Variants in PUS3 observed in about 807,000 individuals in gnomAD.
The protein encoded by PUS3 is tRNA pseudouridine(38/39) synthase.
In PUS3, 36 loss-of-function variants were observed where a neutral mutation model predicts 43.3. The ratio of observed to expected loss-of-function variants is 0.83; its 90% CI spans 0.64 to 1.10. The LOEUF (loss-of-function observed/expected upper bound fraction) is 1.10. Ranked by LOEUF, PUS3 falls within the 50% of genes least tolerant of loss-of-function variation. The probability of loss-of-function intolerance (pLI) is 0.00; values close to 1 mark genes in which losing one functional copy is unlikely to be tolerated. For synonymous variants in PUS3, 183 were observed against 199.2 expected (o/e 0.92, Z 0.69); for missense variants, 544 against 589.9 (o/e 0.92, Z 0.81).
At position 125,893,830 on chromosome 11, in the gene PUS3, T is replaced by C; in HGVS notation, c.1401A>G (p.Pro467=). ...CTGTGTCAACACAGACCCTCTTCGT[T>C]GGTGTCTCCAAATTAGTATTCTCTT... ...LEEENTNLET[P]TKRVCVDTEI... is the part of the protein sequence containing the mutation. The change falls in exon 4 of 4, where the codon CCA becomes CCG. Residue 467 remains proline, a synonymous_variant. Coordinates refer to ENST00000227474, the MANE Select transcript of PUS3 (RefSeq NM_031307.4). The C allele has an allele frequency of 6.2e-7, 1 of 1,614,048 alleles. No individual in the cohort carries two copies. Among genetic ancestry groups the C allele is most frequent in the Non-Finnish European group, 8.5e-7 (1 of 1,179,970 alleles).
rs756703983 is a variant in PUS3 at position 125,896,000 on chromosome 11, T to C, written c.285A>G (p.Glu95=). ...TNNTIEEKLF[E]ALTKTRLVES... Reference sequence around the variant, plus strand: ...CTACTAGTCGAGTCTTGGTTAGAGCTTCAAACAGTTTCTCTTCAATGGTAT... The same window carrying C: ...CTACTAGTCGAGTCTTGGTTAGAGCCTCAAACAGTTTCTCTTCAATGGTAT... The change falls in exon 2 of 4, where the codon GAA becomes GAG. Residue 95 remains glutamate, a synonymous_variant. Coordinates refer to ENST00000227474, the MANE Select transcript of PUS3 (RefSeq NM_031307.4). The C allele has an allele frequency of 1.2e-5, 20 of 1,614,070 alleles. No individual in the cohort carries two copies. The highest frequency in any genetic ancestry group is 1.5e-5 in the Non-Finnish European group (18 of 1,180,030).
intron 1 of PUS3, among the ~76,000 whole-genome samples, chr11:125,902,036 T>G (rs1214511690): frequency 1.3e-5 from 2 of 152,130 alleles, no homozygotes; most frequent in East Asian, 3.8e-4. Context: ...TACCAAAGTC[T>G]CCAAAGTTCA....
intron 1 of PUS3, chr11:125,900,466 T>C (rs1944737958): frequency 1.0e-5 from 6 of 587,526 alleles, no homozygotes; most frequent in South Asian, 1.0e-4. Flanking sequence ...ATCCAGCAAT[T>C]GCAAGATAAA....
At position 125,894,104 on chromosome 11, in the gene PUS3, C is replaced by T. The variant is rs1436554083; in HGVS notation, c.1127G>A (p.Cys376Tyr). 6.2e-7 allele frequency: 1 copy of T among 1,614,014 alleles called. No individual in the cohort carries two copies. The highest frequency in any genetic ancestry group is 8.5e-7 in the Non-Finnish European group (1 of 1,180,006). ...TCCATCCATCTTTGGTCCTATTCCA[C>T]AGGGTACTGGAACAGTGTCCAGTCC... Reference protein sequence around the residue: ...LQGLDTVPVPCGIGPKMDGMT... With the variant: ...LQGLDTVPVPYGIGPKMDGMT... The change falls in exon 4 of 4, where the codon TGT becomes TAT. Residue 376 changes from cysteine (C) to tyrosine (Y), a missense_variant. Physicochemically the swap from Cys to Tyr is radical, Grantham distance 194. Transcript: ENST00000227474.
At chr11:125,898,497 A>G (rs1315566916) in intron 1 of PUS3, among the ~76,000 whole-genome samples, 2 of 152,164 alleles carry the variant, frequency 1.3e-5, no homozygotes, top group African/African-American at 4.8e-5. Flanking sequence ...TAACATGGTA[A>G]AACCCCATCT....
chr11:125,899,792 G>A, intron 1 of PUS3: 1 of 1,614,166 alleles, frequency 6.2e-7, no homozygotes, highest in Non-Finnish European at 8.5e-7. Context: ...ACAGTTCCAG[G>A]AAGACAAGGA....
At chr11:125,900,293 A>C (rs756051351) in intron 1 of PUS3, 1 of 1,606,420 alleles carries the variant, frequency 6.2e-7, no homozygotes, top group South Asian at 1.1e-5. Context: ...CTTTCACAGG[A>C]TTGTTTGAGA....
intron 1 of PUS3, among the ~76,000 whole-genome samples, chr11:125,901,617 T>G (rs1944775701): frequency 6.6e-6 from 1 of 152,220 alleles, no homozygotes; most frequent in Non-Finnish European, 1.5e-5. Flanking sequence ...CTGTAACATT[T>G]AAAGCCACAT....
Position 125,895,351 on chromosome 11 carries a change from C to T in PUS3, c.817G>A (p.Ala273Thr). 6.2e-7 allele frequency: 1 copy of T among 1,614,160 alleles called. No homozygotes were observed. The highest frequency in any genetic ancestry group is 8.5e-7 in the Non-Finnish European group (1 of 1,180,016). Residue 273 changes from alanine (A) to threonine (T), a missense_variant, in exon 3 of 4, where the codon GCA (alanine) becomes ACA (threonine). Transcript: ENST00000227474. ...CATCGGACTTGATGATAAAGGAATG[C>T]CTGGCCAGTCACTTCAAACTGACAT... The part of the protein sequence containing the change: ...QLCQFEVTGQ[A>T]FLYHQVRCMM...
In PUS3 at chr11:125,894,009, T is replaced by A; in HGVS notation, c.1222A>T (p.Met408Leu). Reference sequence around the variant, plus strand: ...TCCATGAGGGGCTTATATGTGCGCATCTTCACTCCTTCTACAAAGGCACTG... The same window carrying A: ...TCCATGAGGGGCTTATATGTGCGCAACTTCACTCCTTCTACAAAGGCACTG... ...QTSAFVEGVK[M>L]RTYKPLMDRP... Residue 408 changes from methionine (M) to leucine (L), a missense_variant, in exon 4 of 4, where the codon ATG becomes TTG. Met to Leu is a conservative substitution (Grantham distance 15). Transcript: ENST00000227474. 6.2e-7 allele frequency: 1 copy of A among 1,614,198 alleles called. No homozygotes were observed. Among genetic ancestry groups the A allele is most frequent in the Non-Finnish European group, 8.5e-7 (1 of 1,180,032 alleles).
At chr11:125,897,452 A>G (rs938156951) in intron 1 of PUS3, among the ~76,000 whole-genome samples, 1 of 152,030 alleles carries the variant, frequency 6.6e-6, no homozygotes, top group African/African-American at 2.4e-5. Context: ...AGAAAAAAAT[A>G]AGTGATGGTA....
Position 125,895,748 on chromosome 11 carries a change from C to T in PUS3, c.420G>A (p.Arg140=), listed in dbSNP as rs1944563682. 4 of 1,609,168 alleles carry T rather than the reference C, an allele frequency of 2.5e-6. No individual in the cohort carries two copies. The East Asian group carries it at 8.9e-5, about 36-fold the overall frequency. ...CTTTTACATTAAAGTCCTCGGAATC[C>T]CTGCCCCTTGGAAACTGAGAGCGAA... is the stretch of plus-strand genomic sequence containing the variant. ...LDLRSQFPRG[R]DSEDFNVKEE... is the part of the protein sequence containing the mutation. Residue 140 remains arginine, a synonymous_variant, in exon 3 of 4, where the codon AGG becomes AGA. Coordinates refer to ENST00000227474, the MANE Select transcript of PUS3 (RefSeq NM_031307.4).
chr11:125,894,517 A>C (rs1446124274), intron 3 of PUS3, among the ~76,000 whole-genome samples: 1 of 152,208 alleles, frequency 6.6e-6, no homozygotes, highest in East Asian at 1.9e-4. Flanking sequence ...GGTAAATGTC[A>C]GTGCTAACAA....
intron 2 of PUS3, 32 bp downstream of exon 2, chr11:125,895,875 C>G (rs777427325): frequency 4.4e-6 from 7 of 1,601,286 alleles, no homozygotes; most frequent in Middle Eastern, 1.7e-4. Context: ...CCTAGTATTG[C>G]TTGCTTTGAG....
intron 1 of PUS3, chr11:125,900,108 G>A: frequency 6.2e-7 from 1 of 1,614,182 alleles, no homozygotes; most frequent in East Asian, 2.2e-5. Context: ...CAGATGCTTT[G>A]TCGAGCAGAA....
At chr11:125,899,174 G>A (rs768183639) in intron 1 of PUS3, 28 of 589,392 alleles carry the variant, frequency 4.8e-5, no homozygotes, top group Non-Finnish European at 6.3e-5. Flanking sequence ...AGATTCCCTA[G>A]AACTGAGTTA....
At position 125,899,878 on chromosome 11, in the gene PUS3, C is replaced by T. The variant is rs1393346556; in HGVS notation, c.-47+3292G>A. The T allele has an allele frequency of 1.2e-6, 2 of 1,614,068 alleles. No homozygotes were observed. The highest frequency in any genetic ancestry group is 1.7e-5 in the Admixed American group (1 of 60,002). On this transcript the variant is annotated intron_variant, in intron 1 of 3. Coordinates refer to ENST00000227474, the MANE Select transcript of PUS3 (RefSeq NM_031307.4). ...GAATTTCTCAAGATCAGCTCATTTGCTCTCTACAAAGAGAAGGAATGGGCT... is the reference window on the plus strand; with the variant it reads ...GAATTTCTCAAGATCAGCTCATTTGTTCTCTACAAAGAGAAGGAATGGGCT...
chr11:125,896,414 G>T, intron 1 of PUS3, 84 bp from the exon 2 acceptor site: 1 of 934,324 alleles, frequency 1.1e-6, no homozygotes. Context: ...TTAATTTAAT[G>T]CCCAAAGAAT....
At chr11:125,900,111 G>T in intron 1 of PUS3, 2 of 1,614,098 alleles carry the variant, frequency 1.2e-6, no homozygotes, top group Non-Finnish European at 1.7e-6. Context: ...ATGCTTTGTC[G>T]AGCAGAACCC....
Sources: gnomAD v4.1 joint callset for allele counts (sites outside exome capture counted in the v4.1 genomes callset) on GRCh38, gnomAD v4.1.1 for gene constraint, MANE v1.5 for transcripts, NCBI Gene and HGNC (gene_info 2026-07-23, HGNC 2026-07-21) for gene names.